Variants in CD63 observed in about 807,000 individuals in gnomAD.
The protein encoded by CD63 is CD63 antigen.
A neutral mutation model predicts 29.2 loss-of-function variants in CD63; 16 were observed. The ratio of observed to expected loss-of-function variants is 0.55; its 90% CI spans 0.37 to 0.83. CD63 has a LOEUF of 0.83. Among genes scored for constraint, CD63 ranks in the 40% least tolerant of loss-of-function variants. CD63 has a pLI of 0.00. For synonymous variants in CD63, 118 were observed against 111.7 expected (o/e 1.06, Z -0.36); for missense variants, 251 against 297.3 (o/e 0.84, Z 1.15).
Position 55,726,812 on chromosome 12 carries a change from G to T in CD63, c.331-17C>A. On this transcript the variant is annotated splice_polypyrimidine_tract_variant and intron_variant, in intron 4 of 7. Transcript: ENST00000257857. ...TGACATCACCTGAGAGTACGGAGGA[G>T]CACTGTTGCAGTCAGAATTCAAGCA... The T allele has an allele frequency of 6.2e-7, 1 of 1,607,668 alleles. No individual in the cohort carries two copies. Among genetic ancestry groups the T allele is most frequent in the Non-Finnish European group, 8.5e-7 (1 of 1,174,086 alleles).
rs1367384879 is a variant in CD63 at position 55,726,239 on chromosome 12, T to C, written c.449A>G (p.Asn150Ser). The C allele has an allele frequency of 6.2e-7, 1 of 1,613,926 alleles. No individual in the cohort carries two copies. The highest frequency in any genetic ancestry group is 2.2e-5 in the East Asian group (1 of 44,878). ...QADFKCCGAANYTDWEKIPSM... is the reference protein window; with the variant it reads ...QADFKCCGAASYTDWEKIPSM... ...AGGGATTTTCTCCCAATCTGTGTAGTTAGCAGCCCCACAGCACTTAAACTG... is the reference window on the plus strand; with the variant it reads ...AGGGATTTTCTCCCAATCTGTGTAGCTAGCAGCCCCACAGCACTTAAACTG... The change falls in exon 6 of 8, where the codon AAC becomes AGC. Residue 150 changes from asparagine to serine, a missense_variant. Transcript: ENST00000257857.
At chr12:55,727,395 G>A (rs1426429486) in intron 2 of CD63, 56 bp from the exon 3 acceptor site, 43 of 1,475,940 alleles carry the variant, frequency 2.9e-5, no homozygotes, top group Non-Finnish European at 3.7e-6. Flanking sequence ...GGCCCTCCAT[G>A]GTGGAGGGCA....
rs758707158 is a variant in CD63 at position 55,727,238 on chromosome 12, G to T, written c.168C>A (p.Val56=). The part of the protein sequence containing the change: ...GATPGSLLPV[V]IIAVGVFLFL... The stretch of plus-strand genomic sequence containing the variant: ...AGAGGAAGACACCCACTGCGATGAT[G>T]ACCACTGGCAACAGAGAGCCAGGGG... The change falls in exon 3 of 8, where the codon GTC becomes GTA. Residue 56 remains valine (V), a synonymous_variant. Coordinates refer to ENST00000257857, the MANE Select transcript of CD63 (RefSeq NM_001780.6). 6.2e-7 allele frequency: 1 copy of T among 1,613,786 alleles called. No individual in the cohort carries two copies. The highest frequency in any genetic ancestry group is 8.5e-7 in the Non-Finnish European group (1 of 1,180,022).
downstream of CD63, chr12:55,723,928 G>A (rs756072300): frequency 8.1e-6 from 13 of 1,614,162 alleles, no homozygotes; most frequent in Non-Finnish European, 1.1e-5. Flanking sequence ...CCATCGTGGA[G>A]CCTGGCTTCT....
chr12:55,727,980 C>G, intron 2 of CD63: 2 of 1,205,246 alleles, frequency 1.7e-6, no homozygotes, highest in Non-Finnish European at 2.1e-6. Context: ...TAGCATCAGG[C>G]GGTTGGCTGG....
At position 55,727,399 on chromosome 12, in the gene CD63, G is replaced by C. The variant is rs145161311; in HGVS notation, c.67-60C>G. On this transcript the variant is annotated intron_variant, in intron 2 of 7. Transcript: ENST00000257857. Reference sequence around the variant, plus strand: ...CACAACACAGTGGCCCTCCATGGTGGAGGGCAGGGGGTACACCTAGGACAC... The same window carrying C: ...CACAACACAGTGGCCCTCCATGGTGCAGGGCAGGGGGTACACCTAGGACAC... The C allele has an allele frequency of 2.4e-5, 35 of 1,481,414 alleles. No individual in the cohort carries two copies. In the African/African-American group the frequency reaches 4.5e-4, roughly 19 times the overall value. 91.8% of individuals were successfully genotyped at this position (1,481,414 alleles called of 1,614,324 possible).
At chr12:55,727,396 G>A (rs905277127) in intron 2 of CD63, 57 bp from the exon 3 acceptor site, 7 of 1,470,346 alleles carry the variant, frequency 4.8e-6, no homozygotes, top group Admixed American at 1.8e-5. Context: ...GCCCTCCATG[G>A]TGGAGGGCAG....
chr12:55,728,353 C>T lies in CD63; in HGVS notation c.-11-1G>A. The T allele has an allele frequency of 6.2e-7, 1 of 1,609,058 alleles. No individual in the cohort carries two copies. Among genetic ancestry groups the T allele is most frequent in the South Asian group, 1.1e-5 (1 of 89,882 alleles). On this transcript the variant is annotated splice_acceptor_variant, in intron 1 of 7. Coordinates refer to ENST00000257857, the MANE Select transcript of CD63 (RefSeq NM_001780.6). LOFTEE classifies it low-confidence loss of function (5UTR_SPLICE). This position sits in a 1 kb window ranked among gnomAD's most constrained non-coding sequence, Gnocchi z 4.8. ...CCTTCCACCGCCATGGCTGCCGGGC[C>T]TGGGGCAGAGGGGAGGGCGGGGGGA...
chr12:55,726,905 A>G lies in CD63; in HGVS notation c.315T>C (p.Tyr105=). 1 of 1,614,098 alleles carries G rather than the reference A, an allele frequency of 6.2e-7. No individual in the cohort carries two copies. Among genetic ancestry groups the G allele is most frequent in the Non-Finnish European group, 8.5e-7 (1 of 1,179,964 alleles). The change falls in exon 4 of 8, where the codon TAT becomes TAC. Residue 105 remains tyrosine (Y), a synonymous_variant. Transcript: ENST00000257857. ...CCCTGCTTACCTTATCTCTAAACAC[A>G]TAGCCAGCAATGGCTGCGGCCACCT... The part of the protein sequence containing the change: ...LVEVAAAIAG[Y]VFRDKVMSEF...
chr12:55,724,845 G>C, downstream of CD63: 2 of 503,984 alleles, frequency 4.0e-6, no homozygotes, highest in Admixed American at 3.2e-5. Flanking sequence ...GTCGGGGAGT[G>C]GCCATCAAAG....
At chr12:55,727,764 A>G in intron 2 of CD63, 2 of 1,028,684 alleles carry the variant, frequency 1.9e-6, no homozygotes, top group Non-Finnish European at 2.3e-6. Context: ...GAAGAGGAAA[A>G]GGGAGCAAGA....
chr12:55,725,914 A>C lies in CD63; in HGVS notation c.568-18T>G. 3 of 1,611,908 alleles carry C rather than the reference A, an allele frequency of 1.9e-6. No homozygotes were observed. The highest frequency in any genetic ancestry group is 2.5e-6 in the Non-Finnish European group (3 of 1,178,628). On this transcript the variant is annotated intron_variant, in intron 6 of 7. Coordinates refer to ENST00000257857, the MANE Select transcript of CD63 (RefSeq NM_001780.6). ...ACACAGCCCTGAAGGTGGCAGGCAC[A>C]AAGGACAAAAGCACCATCAGAAACT...
chr12:55,727,991 TTGCCCCAC>T, intron 2 of CD63: 1 of 1,088,870 alleles, frequency 9.2e-7, no homozygotes, highest in Non-Finnish European at 1.2e-6. Context: ...GGTTGGCTGG[TTGCCCCAC>T]TGCCCCATAT....
chr12:55,727,272 T>C lies in CD63; in HGVS notation c.134A>G (p.Gln45Arg), dbSNP rs1877513142. The C allele has an allele frequency of 2.5e-6, 4 of 1,613,880 alleles. No individual in the cohort carries two copies. Among genetic ancestry groups the C allele is most frequent in the Middle Eastern group, 3.3e-4 (2 of 6,062 alleles). The change falls in exon 3 of 8, where the codon CAG becomes CGG. Residue 45 changes from glutamine to arginine, a missense_variant. Physicochemically the swap from Gln to Arg is conservative, Grantham distance 43 (BLOSUM62 1). Transcript: ENST00000257857. ...AQLVLSQTII[Q>R]GATPGSLLPV... The stretch of plus-strand genomic sequence containing the variant: ...CAACAGAGAGCCAGGGGTAGCCCCC[T>C]GGATTATGGTCTGACTCAGGACAAG...
chr12:55,728,143 CTG>C lies in CD63; in HGVS notation c.66+131_66+132del. 1 of 890,536 alleles carries C rather than the reference CTG, an allele frequency of 1.1e-6. No individual in the cohort carries two copies. Among genetic ancestry groups the C allele is most frequent in the Non-Finnish European group, 1.8e-6 (1 of 566,666 alleles). The allele number at this position is 890,536 out of a possible 1,614,324, so 55.2% of individuals were successfully genotyped here. A position where few individuals can be genotyped will look rare whatever the true frequency, so the allele number is the denominator to read the frequency against. On this transcript the variant is annotated intron_variant, in intron 2 of 7. Coordinates refer to ENST00000257857, the MANE Select transcript of CD63 (RefSeq NM_001780.6). The surrounding 1 kb of genome is among the most constrained non-coding windows in gnomAD (Gnocchi z 4.8). Reference sequence around the variant, plus strand: ...AAAACTGGAGGAGGGAGTGGCTGCGCTGTCTTTCCCTGGCTTTCTTTCCACAT... The same window carrying C: ...AAAACTGGAGGAGGGAGTGGCTGCGCTCTTTCCCTGGCTTTCTTTCCACAT...
rs372298257 is a variant in CD63, at chr12:55,728,194, T to G, written c.66+82A>C. On this transcript the variant is annotated intron_variant, in intron 2 of 7. Coordinates refer to ENST00000257857, the MANE Select transcript of CD63 (RefSeq NM_001780.6). The surrounding 1 kb of genome is among the most constrained non-coding windows in gnomAD (Gnocchi z 4.8). ...ATCTGGTCTCCAGCTGCCTTAATTC[T>G]CATTCCCTCAGCCCTCACCACTGTG... 5,040 of 1,264,356 alleles carry G rather than the reference T, an allele frequency of 4.0e-3. 215 individuals carry two copies. The South Asian group carries it at 0.061, about 15-fold the overall frequency. The allele number at this position is 1,264,356 out of a possible 1,614,324, so 78.3% of individuals were successfully genotyped here. A position where few individuals can be genotyped will look rare whatever the true frequency, so the allele number is the denominator to read the frequency against.
At chr12:55,724,550 A>T (rs1877112579), downstream of CD63, 1 of 1,608,616 alleles carries the variant, frequency 6.2e-7, no homozygotes, top group Non-Finnish European at 8.5e-7. Flanking sequence ...TACTGAATCC[A>T]GCCTTCCAGC....
rs1877708722 is a variant in CD63, at chr12:55,728,771, A to AT, written c.-12+181_-12+182insA. The AT allele has an allele frequency of 1.0e-6, 1 of 970,470 alleles. No individual in the cohort carries two copies. Among genetic ancestry groups the AT allele is most frequent in the Admixed American group, 6.1e-5 (1 of 16,520 alleles). 60.1% of individuals were successfully genotyped at this position (970,470 alleles called of 1,614,324 possible). On this transcript the variant is annotated intron_variant, in intron 1 of 7. Coordinates refer to ENST00000257857, the MANE Select transcript of CD63 (RefSeq NM_001780.6). This position sits in a 1 kb window ranked among gnomAD's most constrained non-coding sequence, Gnocchi z 4.8. ...CTCCCCGCCCACCAAAAAAAAAAAA[A>AT]GTGCAGCCAGCACCCCCGCCACACC...
Position 55,726,893 on chromosome 12 carries a change from A to T in CD63, c.327T>A (p.Asp109Glu), listed in dbSNP as rs1232780251. Residue 109 changes from aspartate to glutamate, a missense_variant, in exon 4 of 8, where the codon GAT becomes GAA. Asp to Glu is a conservative substitution (Grantham distance 45). Coordinates refer to ENST00000257857, the MANE Select transcript of CD63 (RefSeq NM_001780.6). ...AAAIAGYVFR[D>E]KVMSEFNNNF... ...CTTCCCATTATTCCCTGCTTACCTT[A>T]TCTCTAAACACATAGCCAGCAATGG... 1 of 1,613,856 alleles carries T rather than the reference A, an allele frequency of 6.2e-7. No individual in the cohort carries two copies. The highest frequency in any genetic ancestry group is 8.5e-7 in the Non-Finnish European group (1 of 1,179,890).
Sources: allele counts gnomAD v4.1 joint callset, GRCh38; gene constraint gnomAD v4.1.1; non-coding constraint Gnocchi (gnomAD v3.1); transcripts MANE v1.5; gene names NCBI Gene and HGNC (gene_info 2026-07-23, HGNC 2026-07-21).